The following CAGE1 variants were observed in gnomAD, a reference collection of about 807,000 sequenced individuals.
CAGE1 encodes the protein cancer-associated gene 1 protein.
A neutral mutation model predicts 94.9 loss-of-function variants in CAGE1; 66 were observed. That is an observed-to-expected ratio of 0.70 (90% confidence interval 0.57 to 0.85). The LOEUF (loss-of-function observed/expected upper bound fraction) is 0.85. CAGE1 is among the 40% of genes least tolerant of loss of function. The probability of loss-of-function intolerance (pLI) is 0.00; values close to 1 mark genes in which losing one functional copy is unlikely to be tolerated. For synonymous variants in CAGE1, 319 were observed against 321.0 expected (o/e 0.99, Z 0.07); for missense variants, 865 against 950.4 (o/e 0.91, Z 1.18).
At chr6:7,357,112 T>A (rs1338900469) in intron 9 of CAGE1, among the ~76,000 whole-genome samples, 4 of 152,186 alleles carry the variant, frequency 2.6e-5, no homozygotes, top group Non-Finnish European at 5.9e-5. Flanking sequence ...GTTTCAAATA[T>A]ACTTACATGT....
chr6:7,373,827 A>G lies in CAGE1; in HGVS notation c.992T>C (p.Leu331Pro), dbSNP rs1261345297. ...TTCTTTAACCCTCTTCTCTAAATAC[A>G]GGTTACTACACTGGAGTTCTTGGAT... Reference protein sequence around the residue: ...VRIQELQCSNLYLEKRVKELQ... With the variant: ...VRIQELQCSNPYLEKRVKELQ... Residue 331 changes from leucine to proline, a missense_variant, in exon 5 of 14, where the codon CTG becomes CCG. Physicochemically the swap from Leu to Pro is moderately conservative, Grantham distance 98. Transcript: ENST00000502583. 6.2e-7 allele frequency: 1 copy of G among 1,613,790 alleles called. No individual in the cohort carries two copies. The highest frequency in any genetic ancestry group is 1.1e-5 in the South Asian group (1 of 91,080).
chr6:7,340,165 C>G (rs1021709534), intron 11 of CAGE1, among the ~76,000 whole-genome samples: 3 of 152,150 alleles, frequency 2.0e-5, no homozygotes, highest in Admixed American at 1.3e-4. Context: ...TTTCCCTGAT[C>G]ATTAGTGATG....
intron 6 of CAGE1, among the ~76,000 whole-genome samples, 177 bp downstream of exon 6, chr6:7,369,742 G>A (rs1397752941): frequency 1.3e-5 from 2 of 152,148 alleles, no homozygotes; most frequent in East Asian, 3.8e-4. Flanking sequence ...AGAAAGATAA[G>A]CAGAAAGAAG....
At chr6:7,355,399 G>A (rs1163332880) in intron 10 of CAGE1, among the ~76,000 whole-genome samples, 1 of 152,156 alleles carries the variant, frequency 6.6e-6, no homozygotes, top group East Asian at 1.9e-4. Context: ...AGGGATTAGA[G>A]TTCATTTGAT....
chr6:7,377,441 C>T (rs550513356), intron 4 of CAGE1, among the ~76,000 whole-genome samples: 3 of 152,202 alleles, frequency 2.0e-5, no homozygotes, highest in Admixed American at 6.5e-5. Context: ...CCATCAAACT[C>T]ACATTGGAAA....
At chr6:7,333,466 A>G (rs530700506) in intron 12 of CAGE1, among the ~76,000 whole-genome samples, 2 of 152,220 alleles carry the variant, frequency 1.3e-5, no homozygotes, top group South Asian at 4.1e-4. Flanking sequence ...TGTACATTCC[A>G]TGAAAGCAGG....
Position 7,380,381 on chromosome 6 carries a change from A to G in CAGE1, c.284-1361T>C, listed in dbSNP as rs192725315. Among the ~76,000 whole-genome samples, 233 of 152,344 alleles carry G rather than the reference A, an allele frequency of 1.5e-3. 1 individual carries two copies. The highest frequency in any genetic ancestry group is 5.3e-3 in the African/African-American group (220 of 41,570). ...CTTGGACGCAGTGGTTTACGCCTGT[A>G]ATCCTAGCACTTTGGGAGGCTGAGG... On this transcript the variant is annotated intron_variant, in intron 3 of 13. Coordinates refer to ENST00000502583, the MANE Select transcript of CAGE1 (RefSeq NM_001170692.2).
intron 11 of CAGE1, chr6:7,341,814 A>T: frequency 1.5e-6 from 1 of 679,252 alleles, no homozygotes; most frequent in Non-Finnish European, 2.8e-6. Context: ...CATTTTCTGG[A>T]TCAAGTCGGG....
intron 11 of CAGE1, among the ~76,000 whole-genome samples, chr6:7,337,431 T>C (rs1041723745): frequency 1.3e-5 from 2 of 152,002 alleles, no homozygotes; most frequent in Admixed American, 6.6e-5. Context: ...GTCTAAGAAA[T>C]TGTTGCCTAA....
chr6:7,372,905 TA>T (rs1760591325), intron 5 of CAGE1, among the ~76,000 whole-genome samples, 167 bp downstream of exon 5: 1 of 152,192 alleles, frequency 6.6e-6, no homozygotes, highest in Non-Finnish European at 1.5e-5. Flanking sequence ...GTCAAACTCC[TA>T]GCCTCAAGAG....
In CAGE1 at chr6:7,387,017, A is replaced by G; in HGVS notation, c.157T>C (p.Cys53Arg). 2 of 1,552,076 alleles carry G rather than the reference A, an allele frequency of 1.3e-6. No homozygotes were observed. The highest frequency in any genetic ancestry group is 2.4e-5 in the South Asian group (2 of 84,060). ...QGVMLSHSPI[C>R]METTGTTCDL... ...CAAGTGGTGCCGGTGGTTTCCATACAGATTGGAGAATGTGAAAGCATTACA... is the reference window on the plus strand; with the variant it reads ...CAAGTGGTGCCGGTGGTTTCCATACGGATTGGAGAATGTGAAAGCATTACA... Residue 53 changes from cysteine to arginine, a missense_variant, in exon 2 of 14, where the codon TGT (cysteine) becomes CGT (arginine). Physicochemically the swap from Cys to Arg is radical, Grantham distance 180. Transcript: ENST00000502583.
chr6:7,378,032 C>T (rs1031152944), intron 4 of CAGE1, among the ~76,000 whole-genome samples: 2 of 152,168 alleles, frequency 1.3e-5, no homozygotes, highest in African/African-American at 4.8e-5. Flanking sequence ...TGAATTAGTG[C>T]CTCTGCACTC....
chr6:7,389,545 G>A lies in CAGE1; in HGVS notation c.-367C>T, dbSNP rs565734916. ...TCTTCCCAGAGAGTGGTGAAGTTAG[G>A]AAGGTACGACCCCCTAGGCCGAACA... On this transcript the variant is annotated 5_prime_UTR_variant, in exon 1 of 14. Transcript: ENST00000502583. 5.8e-6 allele frequency: 2 copies of A among 346,856 alleles called. No individual in the cohort carries two copies. The highest frequency in any genetic ancestry group is 1.5e-4 in the East Asian group (2 of 13,408). 21.5% of individuals were successfully genotyped at this position (346,856 alleles called of 1,614,324 possible).
chr6:7,386,831 G>T (rs1348074894), intron 2 of CAGE1, 148 bp downstream of exon 2: 1 of 626,480 alleles, frequency 1.6e-6, no homozygotes, highest in Non-Finnish European at 2.7e-6. Flanking sequence ...TAGCGAAACT[G>T]GGAAAACCAG....
intron 2 of CAGE1, 142 bp from the exon 3 acceptor site, chr6:7,386,014 A>G: frequency 2.1e-6 from 1 of 477,270 alleles, no homozygotes; most frequent in Non-Finnish European, 3.6e-6. Flanking sequence ...TTTCCCCAGC[A>G]TGTATTTGGC....
In CAGE1 at chr6:7,386,012, G is replaced by C. The variant is rs551639397; in HGVS notation, c.196-140C>G. The C allele has an allele frequency of 1.4e-4, 66 of 473,408 alleles. No individual in the cohort carries two copies. The South Asian group carries it at 1.9e-3, about 14-fold the overall frequency. 29.3% of individuals were successfully genotyped at this position (473,408 alleles called of 1,614,324 possible). A position where few individuals can be genotyped will look rare whatever the true frequency, so the allele number is the denominator to read the frequency against. On this transcript the variant is annotated intron_variant, in intron 2 of 13. Transcript: ENST00000502583. Reference sequence around the variant, plus strand: ...ATGTGCTTTCTAGTATCTTTCCCCAGCATGTATTTGGCTCCCTTTTAGTAA... The same window carrying C: ...ATGTGCTTTCTAGTATCTTTCCCCACCATGTATTTGGCTCCCTTTTAGTAA...
intron 3 of CAGE1, among the ~76,000 whole-genome samples, chr6:7,380,657 A>AT (rs1398846597): frequency 6.6e-6 from 1 of 151,584 alleles, no homozygotes. Context: ...AAAAGTCTTT[A>AT]TTTCACACAA....
chr6:7,388,964 G>C (rs1296519763), intron 1 of CAGE1, among the ~76,000 whole-genome samples: 6 of 152,166 alleles, frequency 3.9e-5, no homozygotes, highest in Non-Finnish European at 8.8e-5. Context: ...CCCTCATGTG[G>C]CACTGCACAA....
intron 3 of CAGE1, among the ~76,000 whole-genome samples, chr6:7,380,706 T>C (rs767674310): frequency 1.3e-5 from 2 of 152,104 alleles, no homozygotes; most frequent in Non-Finnish European, 2.9e-5. Context: ...TATACATATA[T>C]ATGTAGTTCA....
Sources: gnomAD v4.1 joint callset for allele counts (sites outside exome capture counted in the v4.1 genomes callset) on GRCh38, gnomAD v4.1.1 for gene constraint, MANE v1.5 for transcripts, NCBI Gene and HGNC (gene_info 2026-07-23, HGNC 2026-07-21) for gene names.